NMT2: variants seen among roughly 807,000 people sequenced by gnomAD.
NMT2 encodes N-myristoyltransferase 2.
In NMT2, 35 loss-of-function variants were observed where a neutral mutation model predicts 65.4. The ratio of observed to expected loss-of-function variants is 0.54; its 90% CI spans 0.41 to 0.71. The LOEUF (loss-of-function observed/expected upper bound fraction) is 0.71, where lower values mean the gene tolerates loss of function less well. Ranked by LOEUF, NMT2 falls within the 30% of genes least tolerant of loss-of-function variation. The pLI is 0.00. For synonymous variants in NMT2, 226 were observed against 231.8 expected, an observed-to-expected ratio of 0.98 and a Z score of 0.23; for missense variants, 489 against 611.3, an observed-to-expected ratio of 0.80 and a Z score of 2.11.
In NMT2 at chr10:15,109,015, T is replaced by A; in HGVS notation, c.*180A>T. On this transcript the variant is annotated 3_prime_UTR_variant, in exon 12 of 12. Coordinates refer to ENST00000378165, the MANE Select transcript of NMT2 (RefSeq NM_004808.3). ...GGTCAACAGTAAAAAAAGGATGAAG[T>A]TTAACATTCTAGCTAGAAACGTACA... 1 of 1,399,196 alleles carries A rather than the reference T, an allele frequency of 7.1e-7. No individual in the cohort carries two copies. Among genetic ancestry groups the A allele is most frequent in the Non-Finnish European group, 9.2e-7 (1 of 1,082,132 alleles). 86.7% of individuals were successfully genotyped at this position (1,399,196 alleles called of 1,614,324 possible).
intron 1 of NMT2, among the ~76,000 whole-genome samples, chr10:15,160,602 C>T (rs548924131): frequency 3.8e-4 from 58 of 151,428 alleles, no homozygotes; most frequent in East Asian, 2.0e-3. Flanking sequence ...GGTGAAACCC[C>T]GTCTCTACTA....
At chr10:15,147,113 A>AGTG (rs1846993507) in intron 1 of NMT2, among the ~76,000 whole-genome samples, 1 of 94,878 alleles carries the variant, frequency 1.1e-5, no homozygotes, top group Non-Finnish European at 2.0e-5. Context: ...AAAAAAAAAA[A>AGTG]AAAAAAAAAA....
At chr10:15,157,130 C>T (rs1382188839) in intron 1 of NMT2, among the ~76,000 whole-genome samples, 1 of 152,140 alleles carries the variant, frequency 6.6e-6, no homozygotes, top group East Asian at 1.9e-4. Flanking sequence ...TGGGAAGGTA[C>T]TATATGAGCT....
At chr10:15,159,602 A>G (rs1050947875) in intron 1 of NMT2, among the ~76,000 whole-genome samples, 5 of 151,848 alleles carry the variant, frequency 3.3e-5, no homozygotes, top group Admixed American at 1.3e-4. Flanking sequence ...TGATTTTTGT[A>G]TTTTCAGTAG....
chr10:15,135,256 A>G lies in NMT2; in HGVS notation c.391+18T>C. On this transcript the variant is annotated intron_variant, in intron 3 of 11. Coordinates refer to ENST00000378165, the MANE Select transcript of NMT2 (RefSeq NM_004808.3). ...GCTTTGTTTGTGGGGAAAAAAAGAG[A>G]AAAGCAGAAAAACTTACCTAGTTTT... The G allele has an allele frequency of 6.2e-7, 1 of 1,613,378 alleles. No homozygotes were observed. The highest frequency in any genetic ancestry group is 1.1e-5 in the South Asian group (1 of 90,966).
intron 2 of NMT2, chr10:15,141,018 G>C (rs903073853): frequency 3.2e-6 from 5 of 1,550,920 alleles, no homozygotes; most frequent in Non-Finnish European, 4.4e-6. Flanking sequence ...TCTGCTGCCA[G>C]ATGGTGTTGT....
At chr10:15,118,575 A>G (rs1845821285) in intron 9 of NMT2, among the ~76,000 whole-genome samples, 2 of 150,144 alleles carry the variant, frequency 1.3e-5, no homozygotes, top group Admixed American at 1.3e-4. Flanking sequence ...ATAAATCAGT[A>G]AGACAACTAC....
At chr10:15,133,626 G>A (rs190445169) in intron 3 of NMT2, among the ~76,000 whole-genome samples, 7 of 152,046 alleles carry the variant, frequency 4.6e-5, no homozygotes, top group East Asian at 3.9e-4. Flanking sequence ...TCACTCTGTC[G>A]CCAAGGCTGG....
At chr10:15,168,426 G>T in intron 1 of NMT2, 77 bp downstream of exon 1, 1 of 1,078,858 alleles carries the variant, frequency 9.3e-7, no homozygotes, top group Non-Finnish European at 1.4e-6. Flanking sequence ...AGTCCTGGGA[G>T]CCACCCCCGA....
At chr10:15,164,357 G>A (rs1357766847) in intron 1 of NMT2, among the ~76,000 whole-genome samples, 1 of 152,110 alleles carries the variant, frequency 6.6e-6, no homozygotes, top group Non-Finnish European at 1.5e-5. Flanking sequence ...TCTCTTAACG[G>A]AAAGCTATGA....
chr10:15,113,819 C>T (rs1195712731), intron 9 of NMT2, among the ~76,000 whole-genome samples: 2 of 152,128 alleles, frequency 1.3e-5, no homozygotes, highest in Non-Finnish European at 2.9e-5. Flanking sequence ...TTGCAGCTAT[C>T]AAAAATAAGG....
At chr10:15,156,293 A>AC (rs1481099994) in intron 1 of NMT2, among the ~76,000 whole-genome samples, 2 of 151,856 alleles carry the variant, frequency 1.3e-5, no homozygotes, top group African/African-American at 2.4e-5. Context: ...AAGGGCTTTC[A>AC]CCCCCCTCAC....
At chr10:15,145,489 C>G (rs1846931219) in intron 1 of NMT2, among the ~76,000 whole-genome samples, 2 of 152,198 alleles carry the variant, frequency 1.3e-5, no homozygotes, top group Admixed American at 1.3e-4. Flanking sequence ...AAGTGATTCT[C>G]CTGCCTCAGT....
chr10:15,119,618 G>T, intron 8 of NMT2, 105 bp from the exon 9 acceptor site: 1 of 877,586 alleles, frequency 1.1e-6, no homozygotes, highest in Non-Finnish European at 1.8e-6. Context: ...TGAGCAGCAC[G>T]CGGGAGCTAG....
At chr10:15,139,580 T>A (rs989088260) in intron 2 of NMT2, among the ~76,000 whole-genome samples, 4 of 151,960 alleles carry the variant, frequency 2.6e-5, no homozygotes, top group African/African-American at 7.2e-5. Context: ...TATGGTGGTA[T>A]CCTCTATGAG....
intron 1 of NMT2, among the ~76,000 whole-genome samples, chr10:15,167,994 G>C (rs1324296487): frequency 6.6e-6 from 1 of 152,174 alleles, no homozygotes; most frequent in African/African-American, 2.4e-5. Flanking sequence ...CACCATCGGG[G>C]CACCTCCACG....
intron 1 of NMT2, among the ~76,000 whole-genome samples, chr10:15,161,108 A>AAAAAAC (rs1833180224): frequency 6.7e-6 from 1 of 150,026 alleles, no homozygotes; most frequent in Non-Finnish European, 1.5e-5. Context: ...AAAAAAAAAA[A>AAAAAAC]AACACAAAGA....
At chr10:15,165,287 A>C (rs1833340568) in intron 1 of NMT2, among the ~76,000 whole-genome samples, 1 of 152,158 alleles carries the variant, frequency 6.6e-6, no homozygotes, top group Non-Finnish European at 1.5e-5. Flanking sequence ...GACTGAGGTT[A>C]ATTTTTATCT....
At chr10:15,163,526 G>A (rs918136800) in intron 1 of NMT2, among the ~76,000 whole-genome samples, 1 of 152,194 alleles carries the variant, frequency 6.6e-6, no homozygotes, top group Non-Finnish European at 1.5e-5. Flanking sequence ...CTCAGGCAAA[G>A]ACTGTCGTTA....
Sources: allele counts gnomAD v4.1 joint callset (sites outside exome capture counted in the v4.1 genomes callset), GRCh38; gene constraint gnomAD v4.1.1; transcripts MANE v1.5; gene names NCBI Gene and HGNC (gene_info 2026-07-23, HGNC 2026-07-21).